The following NCKAP5 variants were observed in gnomAD, a reference collection of about 807,000 sequenced individuals.
NCKAP5 encodes nck-associated protein 5.
A neutral mutation model predicts 167.0 loss-of-function variants in NCKAP5; 92 were observed. The observed-to-expected ratio is 0.55, with a 90% CI of 0.47 to 0.66. NCKAP5 has a LOEUF of 0.66. Ranked by LOEUF, NCKAP5 falls within the 30% of genes least tolerant of loss-of-function variation. The pLI, the probability that NCKAP5 is intolerant of heterozygous loss-of-function variation, is 0.00. For missense variants in NCKAP5, 2,378 were observed against 2,315.0 expected (o/e 1.03, Z -0.56); for synonymous variants, 891 against 877.4 (o/e 1.02, Z -0.27).
intron 6 of NCKAP5, among the ~76,000 whole-genome samples, chr2:133,026,966 C>A (rs1573787389): frequency 6.6e-6 from 1 of 152,168 alleles, no homozygotes; most frequent in African/African-American, 2.4e-5. Flanking sequence ...CCCAGGATAC[C>A]CACCAGGGCA....
rs570209330 is a variant in NCKAP5 at position 133,329,191 on chromosome 2, C to A, written c.70-26081G>T. ...AGATGGAGGCTTCGCTGACAGCAGC[C>A]ATCCAGATCTGGGTCTGCTTTCCTT... is the stretch of plus-strand genomic sequence containing the variant. On this transcript the variant is annotated intron_variant, in intron 3 of 19. Coordinates refer to ENST00000409261, the MANE Select transcript of NCKAP5 (RefSeq NM_207363.3). 1.5e-4 allele frequency among the ~76,000 whole-genome samples: 23 copies of A among 152,274 alleles called. 1 individual carries two copies. The South Asian group carries it at 4.8e-3, about 32-fold the overall frequency.
intron 8 of NCKAP5, among the ~76,000 whole-genome samples, chr2:132,920,770 TG>T (rs2149000483): frequency 2.9e-5 from 1 of 34,474 alleles, no homozygotes; most frequent in Non-Finnish European, 4.4e-5. Context: ...TATATATGTA[TG>T]TATATATATA....
At chr2:133,116,283 C>A (rs1308537604) in intron 6 of NCKAP5, among the ~76,000 whole-genome samples, 4 of 86,568 alleles carry the variant, frequency 4.6e-5, no homozygotes, top group African/African-American at 1.9e-4. Context: ...GTCAGGAGAT[C>A]GAGACCATCC....
At chr2:133,642,055 G>T in the NCKAP5 span, among the ~76,000 whole-genome samples, 1 of 152,124 alleles carries the variant, frequency 6.6e-6, no homozygotes, top group Non-Finnish European at 1.5e-5. Context: ...GCCTCTTGCT[G>T]CTTCAATTCA....
chr2:133,104,449 A>G (rs996948935), intron 6 of NCKAP5, among the ~76,000 whole-genome samples: 5 of 152,228 alleles, frequency 3.3e-5, no homozygotes, highest in Non-Finnish European at 7.3e-5. Context: ...AAATTCCTTA[A>G]TGAAGCCAGT....
intron 5 of NCKAP5, among the ~76,000 whole-genome samples, chr2:133,160,433 CTTTTTCT>C (rs2083746629): frequency 2.0e-5 from 2 of 100,842 alleles, no homozygotes; most frequent in Admixed American, 9.3e-5. Flanking sequence ...CTTTTCCTTT[CTTTTTCT>C]TTTTTTTTTT....
chr2:133,475,398 A>G (rs1459248401), intron 3 of NCKAP5, among the ~76,000 whole-genome samples: 2 of 152,230 alleles, frequency 1.3e-5, no homozygotes, highest in Non-Finnish European at 2.9e-5. Context: ...TAAAATTTAT[A>G]TAAAAGCATG....
At chr2:133,189,984 G>A (rs1164079545) in intron 5 of NCKAP5, among the ~76,000 whole-genome samples, 1 of 152,122 alleles carries the variant, frequency 6.6e-6, no homozygotes, top group Non-Finnish European at 1.5e-5. Context: ...AAGTCAAATT[G>A]TCCCTGTTTG....
At chr2:133,034,762 CA>C (rs1170202245) in intron 6 of NCKAP5, among the ~76,000 whole-genome samples, 2 of 151,750 alleles carry the variant, frequency 1.3e-5, no homozygotes, top group Non-Finnish European at 2.9e-5. Flanking sequence ...AAAAAACATA[CA>C]ATGAATACAC....
chr2:133,239,625 A>G (rs1265017331), intron 4 of NCKAP5, among the ~76,000 whole-genome samples: 1 of 152,216 alleles, frequency 6.6e-6, no homozygotes. Context: ...ATTATTTTAC[A>G]GCCCATTAAC....
chr2:133,516,028 T>C (rs72990470), intron 3 of NCKAP5, among the ~76,000 whole-genome samples: 17,768 of 152,258 alleles, frequency 0.12, 1,925 homozygotes, highest in African/African-American at 0.28. Flanking sequence ...CAGAAATCTA[T>C]GGCTTTGGGG....
upstream of NCKAP5, among the ~76,000 whole-genome samples, chr2:133,569,077 C>T (rs972604809): frequency 2.0e-5 from 3 of 152,088 alleles, no homozygotes; most frequent in Admixed American, 2.0e-4. Context: ...AAATTTTAAC[C>T]ACCCACCTGC....
intron 16 of NCKAP5, among the ~76,000 whole-genome samples, chr2:132,768,368 G>A (rs1050987512): frequency 6.6e-6 from 1 of 152,110 alleles, no homozygotes; most frequent in African/African-American, 2.4e-5. Flanking sequence ...ACAATGAATG[G>A]TATTTGAATT....
chr2:132,702,836 A>T (rs1688007691), intron 19 of NCKAP5, among the ~76,000 whole-genome samples: 1 of 152,112 alleles, frequency 6.6e-6, no homozygotes, highest in Non-Finnish European at 1.5e-5. Flanking sequence ...TGACTTGCAG[A>T]GTGATTTTTA....
intron 3 of NCKAP5, among the ~76,000 whole-genome samples, chr2:133,470,714 T>C (rs1052751726): frequency 1.3e-5 from 2 of 152,128 alleles, no homozygotes; most frequent in Non-Finnish European, 2.9e-5. Flanking sequence ...AATCTCGTGG[T>C]GCGCCGTTTT....
At chr2:132,836,979 G>A (rs1042263348) in intron 11 of NCKAP5, among the ~76,000 whole-genome samples, 8 of 152,174 alleles carry the variant, frequency 5.3e-5, no homozygotes, top group Admixed American at 3.9e-4. Flanking sequence ...TTCTTTTGTT[G>A]GTTATGAGTG....
chr2:133,355,800 T>C (rs570313261), intron 3 of NCKAP5, among the ~76,000 whole-genome samples: 44 of 152,308 alleles, frequency 2.9e-4, no homozygotes, highest in Non-Finnish European at 5.7e-4. Flanking sequence ...GTGTGGAGTA[T>C]AATCACCTCA....
chr2:133,110,323 A>C (rs1028698782), intron 6 of NCKAP5, among the ~76,000 whole-genome samples: 27 of 152,298 alleles, frequency 1.8e-4, no homozygotes, highest in Admixed American at 6.5e-4. Flanking sequence ...AAGGGCAATA[A>C]AGTATTTACA....
intron 3 of NCKAP5, among the ~76,000 whole-genome samples, chr2:133,433,077 A>G (rs899378137): frequency 6.6e-6 from 1 of 152,232 alleles, no homozygotes; most frequent in Non-Finnish European, 1.5e-5. Flanking sequence ...AAACACAGAA[A>G]ACAGTTTTGA....
Sources: gnomAD v4.1 joint callset for allele counts (sites outside exome capture counted in the v4.1 genomes callset) on GRCh38, gnomAD v4.1.1 for gene constraint, MANE v1.5 for transcripts, NCBI Gene and HGNC (gene_info 2026-07-23, HGNC 2026-07-21) for gene names.